RMND5A: variants seen among roughly 807,000 people sequenced by gnomAD.
RMND5A encodes E3 ubiquitin-protein transferase RMND5A.
RMND5A carries 17 observed loss-of-function variants against 49.7 expected under a neutral mutation model. The observed-to-expected ratio is 0.34, with a 90% CI of 0.23 to 0.51. RMND5A has a LOEUF of 0.51. RMND5A is among the 20% of genes least tolerant of loss of function. The pLI, the probability that RMND5A is intolerant of heterozygous loss-of-function variation, is 0.96. For synonymous variants in RMND5A, 156 were observed against 167.7 expected (o/e 0.93, Z 0.54); for missense variants, 255 against 471.3 (o/e 0.54, Z 4.25).
At chr2:86,743,131 G>A (rs1681478753) in intron 2 of RMND5A, among the ~76,000 whole-genome samples, 1 of 152,150 alleles carries the variant, frequency 6.6e-6, no homozygotes, top group African/African-American at 2.4e-5. Context: ...TCCAGACCTA[G>A]CAGGTCTTTA....
At chr2:86,726,790 T>C (rs1681287571) in intron 1 of RMND5A, among the ~76,000 whole-genome samples, 1 of 78,210 alleles carries the variant, frequency 1.3e-5, no homozygotes, top group African/African-American at 4.9e-5. Flanking sequence ...GATGTATAAA[T>C]AGGCTGAGGT....
chr2:86,766,596 G>A (rs1558726601), intron 6 of RMND5A, among the ~76,000 whole-genome samples: 2 of 149,984 alleles, frequency 1.3e-5, no homozygotes, highest in South Asian at 2.1e-4. Flanking sequence ...CCCAGGAGGC[G>A]GAGGTTGCTG....
chr2:86,720,962 C>T lies in RMND5A; in HGVS notation c.142+153C>T, dbSNP rs1225296916. The T allele has an allele frequency of 1.6e-4, 97 of 606,156 alleles. 2 individuals carry two copies. In the East Asian group the frequency reaches 3.2e-3, roughly 20 times the overall value. The allele number at this position is 606,156 out of a possible 1,614,324, so 37.5% of individuals were successfully genotyped here. ...GGCCCCCAGACCCCTGAGACTTTTTCCCCTCTTCGTCCGATTTACCTCGAA... is the reference window on the plus strand; with the variant it reads ...GGCCCCCAGACCCCTGAGACTTTTTTCCCTCTTCGTCCGATTTACCTCGAA... On this transcript the variant is annotated intron_variant, in intron 1 of 8. Coordinates refer to ENST00000283632, the MANE Select transcript of RMND5A (RefSeq NM_022780.4).
chr2:86,765,962 C>T lies in RMND5A; in HGVS notation c.792C>T (p.Asp264=). The part of the protein sequence containing the change: ...LDANQWADIC[D]IFTRDACALL... ...CAAACCAGTGGGCTGATATCTGTGACATCTTTACACGGGATGCTTGTGCCC... is the reference window on the plus strand; with the variant it reads ...CAAACCAGTGGGCTGATATCTGTGATATCTTTACACGGGATGCTTGTGCCC... Residue 264 remains aspartate (D), a synonymous_variant, in exon 6 of 9, where the codon GAC becomes GAT. Coordinates refer to ENST00000283632, the MANE Select transcript of RMND5A (RefSeq NM_022780.4). The T allele has an allele frequency of 1.2e-6, 2 of 1,614,216 alleles. No individual in the cohort carries two copies. Among genetic ancestry groups the T allele is most frequent in the Non-Finnish European group, 8.5e-7 (1 of 1,180,038 alleles).
intron 2 of RMND5A, among the ~76,000 whole-genome samples, chr2:86,746,379 G>T (rs1327987943): frequency 1.3e-5 from 2 of 152,190 alleles, no homozygotes; most frequent in African/African-American, 4.8e-5. Context: ...TTCAGCTTTG[G>T]TTAGGTTTGG....
intron 8 of RMND5A, among the ~76,000 whole-genome samples, chr2:86,772,276 C>A (rs1672695973): frequency 6.6e-6 from 1 of 151,964 alleles, no homozygotes; most frequent in South Asian, 2.1e-4. Flanking sequence ...GGTGAAATCC[C>A]ATCTCTACTA....
At chr2:86,760,105 C>T (rs1672420536) in intron 4 of RMND5A, among the ~76,000 whole-genome samples, 1 of 151,822 alleles carries the variant, frequency 6.6e-6, no homozygotes, top group Non-Finnish European at 1.5e-5. Context: ...AGTGCAATGG[C>T]GCAATCTTGG....
intron 4 of RMND5A, among the ~76,000 whole-genome samples, chr2:86,760,977 T>C (rs1329460449): frequency 6.6e-6 from 1 of 151,400 alleles, no homozygotes; most frequent in Non-Finnish European, 1.5e-5. Flanking sequence ...TGTGTGTGTG[T>C]GTGTGTGTGT....
At chr2:86,721,163 C>T (rs1292455680) in intron 1 of RMND5A, 59 of 246,890 alleles carry the variant, frequency 2.4e-4, no homozygotes, top group Admixed American at 9.6e-4. Context: ...CCCCGGGAGT[C>T]TCACGTGGTG....
rs1301988042 is a variant in RMND5A, at chr2:86,776,194, C to A, written c.*2783C>A. ...ATCTGAGTGTTCAAGTACAGTTTTA[C>A]AGTGGCTAAGGTTGTCTCTTGATCT... On this transcript the variant is annotated 3_prime_UTR_variant, in exon 9 of 9. Transcript: ENST00000283632. 6.6e-6 allele frequency: 1 copy of A among 152,182 alleles called. No individual in the cohort carries two copies. The highest frequency in any genetic ancestry group is 1.5e-5 in the Non-Finnish European group (1 of 68,028). 9.4% of individuals were successfully genotyped at this position (152,182 alleles called of 1,614,324 possible).
In RMND5A at chr2:86,771,623, G is replaced by A; in HGVS notation, c.1023G>A (p.Gln341=). The part of the protein sequence containing the change: ...HSIFACPILR[Q]QTTDNNPPMK... ...TATTTGCCTGCCCCATTCTTCGTCA[G>A]CAAACAACAGATAACAATCCACCCA... The change falls in exon 8 of 9, where the codon CAG becomes CAA. Residue 341 remains glutamine (Q), a synonymous_variant. Coordinates refer to ENST00000283632, the MANE Select transcript of RMND5A (RefSeq NM_022780.4). 6.2e-7 allele frequency: 1 copy of A among 1,613,134 alleles called. No individual in the cohort carries two copies. The highest frequency in any genetic ancestry group is 8.5e-7 in the Non-Finnish European group (1 of 1,179,774).
intron 1 of RMND5A, among the ~76,000 whole-genome samples, chr2:86,737,592 T>TA (rs1304499537): frequency 6.7e-5 from 8 of 118,848 alleles, no homozygotes; most frequent in South Asian, 2.5e-4. Flanking sequence ...TATATATATA[T>TA]ATGTCAGTGA....
chr2:86,755,361 C>T (rs989430038), intron 4 of RMND5A, among the ~76,000 whole-genome samples: 2 of 152,218 alleles, frequency 1.3e-5, no homozygotes, highest in Non-Finnish European at 2.9e-5. Flanking sequence ...TCAAGTGATC[C>T]TCCTGGAGCG....
chr2:86,764,305 A>C (rs1477650369), intron 4 of RMND5A, among the ~76,000 whole-genome samples: 2 of 152,180 alleles, frequency 1.3e-5, no homozygotes, highest in Non-Finnish European at 2.9e-5. Context: ...CTTATTGCAA[A>C]ATTTGATTTT....
intron 1 of RMND5A, among the ~76,000 whole-genome samples, chr2:86,732,576 T>C (rs948219468): frequency 6.7e-6 from 1 of 148,738 alleles, no homozygotes; most frequent in African/African-American, 2.6e-5. Flanking sequence ...AAGGTATTAG[T>C]AGGGATTTTA....
chr2:86,721,684 C>T (rs1227217038), intron 1 of RMND5A, among the ~76,000 whole-genome samples: 1 of 151,664 alleles, frequency 6.6e-6, no homozygotes, highest in Non-Finnish European at 1.5e-5. Context: ...TTAGAAGTCA[C>T]AGCGATGATT....
intron 4 of RMND5A, among the ~76,000 whole-genome samples, chr2:86,764,118 T>C (rs1448594918): frequency 1.3e-5 from 2 of 152,224 alleles, no homozygotes; most frequent in Admixed American, 1.3e-4. Flanking sequence ...TTTACTCTTG[T>C]GGTTTATGGA....
intron 2 of RMND5A, among the ~76,000 whole-genome samples, chr2:86,750,035 G>A (rs1048878773): frequency 2.6e-5 from 4 of 152,206 alleles, no homozygotes; most frequent in Non-Finnish European, 5.9e-5. Flanking sequence ...GTATATTTAA[G>A]CAGTGGTTGA....
intron 2 of RMND5A, among the ~76,000 whole-genome samples, chr2:86,746,923 T>C (rs1478693759): frequency 6.6e-6 from 1 of 152,208 alleles, no homozygotes; most frequent in East Asian, 1.9e-4. Flanking sequence ...AAGGAGAATA[T>C]GGAATGTCTA....
Sources: allele counts gnomAD v4.1 joint callset (sites outside exome capture counted in the v4.1 genomes callset), GRCh38; gene constraint gnomAD v4.1.1; transcripts MANE v1.5; gene names NCBI Gene and HGNC (gene_info 2026-07-23, HGNC 2026-07-21).